The following ERBB4 variants were observed in gnomAD, a reference collection of about 807,000 sequenced individuals.
ERBB4 encodes the protein erb-b2 receptor tyrosine kinase 4, also known as receptor tyrosine-protein kinase erbB-4.
ERBB4 carries 42 observed loss-of-function variants against 158.0 expected under a neutral mutation model. The observed-to-expected ratio is 0.27, with a 90% CI of 0.21 to 0.34. The LOEUF (loss-of-function observed/expected upper bound fraction) is 0.34, where lower values mean the gene tolerates loss of function less well. Ranked by LOEUF, ERBB4 falls within the 10% of genes least tolerant of loss-of-function variation. The probability of loss-of-function intolerance (pLI) is 1.00; values close to 1 mark genes in which losing one functional copy is unlikely to be tolerated. For missense variants in ERBB4, 1,333 were observed against 1,624.1 expected, an observed-to-expected ratio of 0.82 and a Z score of 3.08; for synonymous variants, 583 against 558.7, an observed-to-expected ratio of 1.04 and a Z score of -0.61.
rs375484261 is a variant in ERBB4 at position 212,214,808 on chromosome 2, G to T, written c.83-89905C>A. Among the ~76,000 whole-genome samples the T allele has an allele frequency of 3.3e-5, 5 of 151,708 alleles. No individual in the cohort carries two copies. The South Asian group carries it at 1.0e-3, about 31-fold the overall frequency. ...GGGCGCCAAAATACACGTACACAAT[G>T]TTCATTGCTCTACTGTTTGTAATAG... On this transcript the variant is annotated intron_variant, in intron 1 of 27. Coordinates refer to ENST00000342788, the MANE Select transcript of ERBB4 (RefSeq NM_005235.3).
chr2:212,401,610 A>C (rs1435024807), intron 1 of ERBB4, among the ~76,000 whole-genome samples: 1 of 152,192 alleles, frequency 6.6e-6, no homozygotes, highest in African/African-American at 2.4e-5. Context: ...TAGCTTATGA[A>C]GTATTTATAA....
intron 3 of ERBB4, among the ~76,000 whole-genome samples, chr2:211,794,815 T>A (rs12104496): frequency 0.19 from 28,243 of 151,810 alleles, 2,879 homozygotes; most frequent in South Asian, 0.37. Flanking sequence ...CCCATACGTG[T>A]GTCAACGTCT....
chr2:212,277,411 G>T (rs774370628), intron 1 of ERBB4, among the ~76,000 whole-genome samples: 1 of 151,676 alleles, frequency 6.6e-6, no homozygotes, highest in Non-Finnish European at 1.5e-5. Context: ...GATTCTACAC[G>T]ATTTCACCCC....
intron 3 of ERBB4, among the ~76,000 whole-genome samples, chr2:211,799,182 A>G (rs1011211849): frequency 1.3e-5 from 2 of 152,134 alleles, no homozygotes; most frequent in African/African-American, 4.8e-5. Context: ...TTTACAGTAG[A>G]ATAATGAATT....
At chr2:212,311,726 T>C (rs1270818630) in intron 1 of ERBB4, among the ~76,000 whole-genome samples, 1 of 150,842 alleles carries the variant, frequency 6.6e-6, no homozygotes, top group Non-Finnish European at 1.5e-5. Context: ...ATTTTGGAAA[T>C]AAAAAAGCTT....
intron 4 of ERBB4, among the ~76,000 whole-genome samples, chr2:211,751,872 T>C (rs1244409618): frequency 6.6e-6 from 1 of 152,204 alleles, no homozygotes; most frequent in Non-Finnish European, 1.5e-5. Context: ...ATTCAGATTG[T>C]CTACCTTTGA....
chr2:211,858,842 G>A (rs762523182), intron 3 of ERBB4, among the ~76,000 whole-genome samples: 11 of 152,042 alleles, frequency 7.2e-5, no homozygotes, highest in African/African-American at 9.7e-5. Flanking sequence ...GAGTGCAGTG[G>A]TGCGATCTCC....
chr2:211,505,577 A>G (rs936186284), intron 20 of ERBB4, among the ~76,000 whole-genome samples: 6 of 113,132 alleles, frequency 5.3e-5, no homozygotes, highest in African/African-American at 1.6e-4. Flanking sequence ...CTAGCAAACA[A>G]ACAAACAAAC....
rs1430375907 is a variant in ERBB4, at chr2:211,561,957, G to C, written c.2433C>G (p.His811Gln). ...HGCLLEYVHE[H>Q]KDNIGSQLLL... Reference sequence around the variant, plus strand: ...GCAGTTGTGATCCAATGTTATCCTTGTGCTCGTGGACATACTCCAACAGGC... The same window carrying C: ...GCAGTTGTGATCCAATGTTATCCTTCTGCTCGTGGACATACTCCAACAGGC... Residue 811 changes from histidine to glutamine, a missense_variant, in exon 20 of 28, where the codon CAC becomes CAG. By Grantham distance (24) the His-to-Gln change is conservative (BLOSUM62 0). This residue lies in a region of ERBB4 where 314 missense variants were observed against 437.6 expected (regional missense o/e 0.72). Coordinates refer to ENST00000342788, the MANE Select transcript of ERBB4 (RefSeq NM_005235.3). 1.2e-6 allele frequency: 2 copies of C among 1,613,982 alleles called. No individual in the cohort carries two copies. The highest frequency in any genetic ancestry group is 1.7e-6 in the Non-Finnish European group (2 of 1,180,030).
chr2:211,874,189 T>C (rs2106124287), intron 3 of ERBB4, among the ~76,000 whole-genome samples: 1 of 152,234 alleles, frequency 6.6e-6, no homozygotes, highest in East Asian at 1.9e-4. Context: ...TGCTCTCATT[T>C]TTTTTCTCAT....
chr2:211,402,111 C>T (rs914122520), intron 25 of ERBB4, among the ~76,000 whole-genome samples: 3 of 151,906 alleles, frequency 2.0e-5, no homozygotes, highest in African/African-American at 7.2e-5. Context: ...AAATATTAGG[C>T]ATCCCAAGCT....
rs2062584845 is a variant in ERBB4 at position 211,382,210 on chromosome 2, T to C, written c.*1405A>G. On this transcript the variant is annotated 3_prime_UTR_variant, in exon 28 of 28. Coordinates refer to ENST00000342788, the MANE Select transcript of ERBB4 (RefSeq NM_005235.3). Reference sequence around the variant, plus strand: ...GTGCAAAGAGTTACCTTCTACTTCATATAAATAGTCTCATACTAGAAATTC... The same window carrying C: ...GTGCAAAGAGTTACCTTCTACTTCACATAAATAGTCTCATACTAGAAATTC... The C allele has an allele frequency of 4.3e-6, 1 of 231,380 alleles. No homozygotes were observed. The highest frequency in any genetic ancestry group is 2.2e-5 in the African/African-American group (1 of 45,230). The allele number at this position is 231,380 out of a possible 1,614,324, so 14.3% of individuals were successfully genotyped here.
intron 1 of ERBB4, among the ~76,000 whole-genome samples, chr2:212,346,245 C>T (rs2088991772): frequency 6.6e-6 from 1 of 152,132 alleles, no homozygotes; most frequent in Admixed American, 6.5e-5. Context: ...AAACATTTAA[C>T]AGATGTGCTG....
At chr2:211,606,655 A>G (rs1351550003) in intron 19 of ERBB4, among the ~76,000 whole-genome samples, 2 of 152,186 alleles carry the variant, frequency 1.3e-5, no homozygotes, top group African/African-American at 4.8e-5. Context: ...ATTCATACCC[A>G]TAAACCCAGT....
At chr2:211,421,174 T>G (rs2063507065) in intron 24 of ERBB4, among the ~76,000 whole-genome samples, 1 of 151,968 alleles carries the variant, frequency 6.6e-6, no homozygotes, top group Non-Finnish European at 1.5e-5. Flanking sequence ...GTCTATTTCT[T>G]AAGTATTTTT....
At chr2:212,455,382 T>G (rs1438760726) in intron 1 of ERBB4, among the ~76,000 whole-genome samples, 1 of 126,746 alleles carries the variant, frequency 7.9e-6, no homozygotes, top group Non-Finnish European at 2.0e-5. Context: ...TCAGTGTCAG[T>G]AGCAGCCTCT....
At chr2:211,604,251 T>C (rs556205361) in intron 19 of ERBB4, among the ~76,000 whole-genome samples, 1 of 152,312 alleles carries the variant, frequency 6.6e-6, no homozygotes, top group South Asian at 2.1e-4. Context: ...TATATAAACA[T>C]AGTGGGTCAC....
Position 212,511,870 on chromosome 2 carries a change from A to G in ERBB4, c.82+26579T>C, listed in dbSNP as rs546971675. 4.6e-5 allele frequency among the ~76,000 whole-genome samples: 7 copies of G among 151,392 alleles called. No homozygotes were observed. In the South Asian group the frequency reaches 1.5e-3, roughly 31 times the overall value. On this transcript the variant is annotated intron_variant, in intron 1 of 27. Coordinates refer to ENST00000342788, the MANE Select transcript of ERBB4 (RefSeq NM_005235.3). ...AAGAATCCATTTTGCCTTTTTGGGG[A>G]TGGCATTCGTGTCACCATCCAGTAC... is the stretch of plus-strand genomic sequence containing the variant.
intron 1 of ERBB4, among the ~76,000 whole-genome samples, chr2:212,187,696 C>T (rs1186699750): frequency 1.3e-5 from 2 of 152,040 alleles, no homozygotes; most frequent in Non-Finnish European, 2.9e-5. Flanking sequence ...GGAAAAGAGA[C>T]ATTTAAGTGA....
Sources: gnomAD v4.1 joint callset for allele counts (sites outside exome capture counted in the v4.1 genomes callset) on GRCh38, gnomAD v4.1.1 for gene constraint, gnomAD v4.1.1 regional missense constraint, MANE v1.5 for transcripts, NCBI Gene and HGNC (gene_info 2026-07-23, HGNC 2026-07-21) for gene names.